Variants in NFIB observed in about 807,000 individuals in gnomAD.
The protein encoded by NFIB is nuclear factor I B.
A neutral mutation model predicts 61.5 loss-of-function variants in NFIB; 11 were observed. The ratio of observed to expected loss-of-function variants is 0.18; its 90% CI spans 0.11 to 0.30. NFIB has a LOEUF of 0.30. Ranked by LOEUF, NFIB falls within the 10% of genes least tolerant of loss-of-function variation. The pLI is 1.00. For synonymous variants in NFIB, 260 were observed against 216.5 expected, an observed-to-expected ratio of 1.20 and a Z score of -1.76; for missense variants, 471 against 608.9, an observed-to-expected ratio of 0.77 and a Z score of 2.38.
chr9:14,258,599 A>T (rs1016204780), intron 2 of NFIB, among the ~76,000 whole-genome samples: 4 of 152,230 alleles, frequency 2.6e-5, no homozygotes, highest in Non-Finnish European at 5.9e-5. Context: ...TTACAGTAGA[A>T]GCCATTCCAA....
intron 1 of NFIB, among the ~76,000 whole-genome samples, chr9:14,312,876 C>T (rs2060349209): frequency 6.6e-6 from 1 of 152,138 alleles, no homozygotes; most frequent in South Asian, 2.1e-4. Context: ...GTGGTGCGGT[C>T]ACTAGAAACC....
intron 2 of NFIB, among the ~76,000 whole-genome samples, chr9:14,236,909 A>T (rs923890350): frequency 2.6e-5 from 4 of 151,296 alleles, no homozygotes; most frequent in Admixed American, 2.6e-4. Context: ...TCCAAGTAGG[A>T]GCATTTGTCC....
chr9:14,220,600 T>C (rs755889924), intron 2 of NFIB, among the ~76,000 whole-genome samples: 7 of 152,074 alleles, frequency 4.6e-5, no homozygotes, highest in Non-Finnish European at 7.4e-5. Context: ...TCCTCAACAG[T>C]GGATCACAGC....
At chr9:14,286,537 C>T (rs1291330082) in intron 2 of NFIB, among the ~76,000 whole-genome samples, 1 of 152,162 alleles carries the variant, frequency 6.6e-6, no homozygotes, top group Non-Finnish European at 1.5e-5. Context: ...CAGAAGTTGT[C>T]ACAAGTTTTC....
chr9:14,242,477 C>A (rs1255191186), intron 2 of NFIB, among the ~76,000 whole-genome samples: 1 of 152,146 alleles, frequency 6.6e-6, no homozygotes, highest in African/African-American at 2.4e-5. Context: ...TTCTATACAT[C>A]AGAGATGTCA....
intron 6 of NFIB, among the ~76,000 whole-genome samples, chr9:14,141,303 C>A (rs1051794694): frequency 2.6e-5 from 4 of 152,044 alleles, no homozygotes; most frequent in Non-Finnish European, 5.9e-5. Context: ...TTTTTTAGTA[C>A]CTAAGACACC....
chr9:14,114,958 T>G (rs1230681941), intron 9 of NFIB, among the ~76,000 whole-genome samples: 1 of 152,226 alleles, frequency 6.6e-6, no homozygotes, highest in African/African-American at 2.4e-5. Context: ...AGCAAACCTC[T>G]AGAACAAAAT....
the NFIB span, among the ~76,000 whole-genome samples, chr9:14,492,880 G>C: frequency 6.6e-6 from 1 of 152,174 alleles, no homozygotes; most frequent in Non-Finnish European, 1.5e-5. Context: ...TTTGAACCTG[G>C]TCAGTTCTGA....
chr9:14,293,982 A>G (rs1247818913), intron 2 of NFIB, among the ~76,000 whole-genome samples: 2 of 152,246 alleles, frequency 1.3e-5, no homozygotes, highest in Non-Finnish European at 2.9e-5. Context: ...ACAGTCCAAA[A>G]TAATTTCATC....
the NFIB span, among the ~76,000 whole-genome samples, chr9:14,428,003 G>T: frequency 8.5e-6 from 1 of 117,480 alleles, no homozygotes; most frequent in East Asian, 2.9e-4. Context: ...AGAATACAGC[G>T]GTGTGATCAC....
intron 1 of NFIB, among the ~76,000 whole-genome samples, chr9:14,355,613 G>A (rs1407718394): frequency 1.3e-5 from 2 of 152,146 alleles, no homozygotes; most frequent in East Asian, 1.9e-4. Flanking sequence ...TGTGTCCTTT[G>A]CAGTCACACG....
chr9:14,216,494 C>G (rs1182541493), intron 2 of NFIB, among the ~76,000 whole-genome samples: 1 of 1,056 alleles, frequency 9.5e-4, no homozygotes. Context: ...TCCATTCTTT[C>G]TCTCTCTCTC....
intron 1 of NFIB, among the ~76,000 whole-genome samples, chr9:14,370,840 A>T (rs2061349947): frequency 6.6e-6 from 1 of 152,220 alleles, no homozygotes; most frequent in Non-Finnish European, 1.5e-5. Context: ...CATGCCTGTA[A>T]TTCCAGCAGT....
intron 2 of NFIB, among the ~76,000 whole-genome samples, chr9:14,236,463 G>T (rs1209266464): frequency 6.6e-6 from 1 of 152,162 alleles, no homozygotes; most frequent in Non-Finnish European, 1.5e-5. Flanking sequence ...GAGTCCACGG[G>T]TGTGAGTGAG....
intron 2 of NFIB, among the ~76,000 whole-genome samples, chr9:14,283,398 T>G (rs1252410173): frequency 6.6e-6 from 1 of 152,252 alleles, no homozygotes; most frequent in Non-Finnish European, 1.5e-5. Flanking sequence ...TACTAGTGTC[T>G]GTATCCACTT....
intron 1 of NFIB, among the ~76,000 whole-genome samples, chr9:14,383,621 C>A (rs2061513893): frequency 6.6e-6 from 1 of 152,186 alleles, no homozygotes; most frequent in South Asian, 2.1e-4. Context: ...CTGTTAAGAA[C>A]ATAGTTGATA....
intron 1 of NFIB, among the ~76,000 whole-genome samples, chr9:14,309,029 C>G (rs2060161230): frequency 6.6e-6 from 1 of 152,150 alleles, no homozygotes; most frequent in Non-Finnish European, 1.5e-5. Flanking sequence ...GAACTTCCAC[C>G]ACCACCACTT....
At chr9:14,278,334 T>G (rs1421836678) in intron 2 of NFIB, among the ~76,000 whole-genome samples, 3 of 152,216 alleles carry the variant, frequency 2.0e-5, no homozygotes, top group Non-Finnish European at 4.4e-5. Flanking sequence ...GGTCCATTGT[T>G]AATTGAGTCG....
chr9:14,182,645 T>C (rs867571092), intron 2 of NFIB, among the ~76,000 whole-genome samples: 18 of 150,000 alleles, frequency 1.2e-4, no homozygotes, highest in Admixed American at 3.3e-4. Flanking sequence ...CCAAAGGTTT[T>C]ATTTAACCAC....
Sources: allele counts gnomAD v4.1 joint callset (sites outside exome capture counted in the v4.1 genomes callset), GRCh38; gene constraint gnomAD v4.1.1; transcripts MANE v1.5; gene names NCBI Gene and HGNC (gene_info 2026-07-23, HGNC 2026-07-21).